SUPT6H: variants seen among roughly 807,000 people sequenced by gnomAD.
The protein encoded by SUPT6H is SPT6 homolog, histone chaperone and transcription elongation factor, also known as transcription elongation factor SPT6.
In SUPT6H, 11 loss-of-function variants were observed where a neutral mutation model predicts 222.3. That is an observed-to-expected ratio of 0.05 (90% confidence interval 0.03 to 0.08). The LOEUF is 0.08. Among genes scored for constraint, SUPT6H ranks in the 10% least tolerant of loss-of-function variants. The probability of loss-of-function intolerance (pLI) is 1.00; values close to 1 mark genes in which losing one functional copy is unlikely to be tolerated. For synonymous variants in SUPT6H, 762 were observed against 801.2 expected (o/e 0.95, Z 0.83); for missense variants, 1,422 against 2,216.0 (o/e 0.64, Z 7.19).
intron 1 of SUPT6H, among the ~76,000 whole-genome samples, chr17:28,662,975 C>T (rs566336182): frequency 6.6e-6 from 1 of 152,154 alleles, no homozygotes; most frequent in African/African-American, 2.4e-5. Flanking sequence ...CTAGTTTCTA[C>T]CTTTCTCCTC....
At position 28,700,202 on chromosome 17, in the gene SUPT6H, C is replaced by G; in HGVS notation, c.4591C>G (p.Arg1531Gly). 6.2e-7 allele frequency: 1 copy of G among 1,614,188 alleles called. No homozygotes were observed. Among genetic ancestry groups the G allele is most frequent in the Non-Finnish European group, 8.5e-7 (1 of 1,180,034 alleles). The change falls in exon 34 of 37, where the codon CGG becomes GGG. Residue 1531 changes from arginine (R) to glycine (G), a missense_variant. Physicochemically the swap from Arg to Gly is moderately radical, Grantham distance 125. Coordinates refer to ENST00000314616, the MANE Select transcript of SUPT6H (RefSeq NM_003170.5). ...CACCCCTAGCAGCAGCAGCAGGACC[C>G]GGACACCTGCCTCTATCAATGCTAC... ...GITPSSSSRT[R>G]TPASINATPA...
At position 28,677,833 on chromosome 17, in the gene SUPT6H, C is replaced by T. The variant is rs375199502; in HGVS notation, c.999+17C>T. ...TCTCTCCAGGTACACAAAAAAGATCCTTAGGTTTTGACATGAACCAAAAGA... is the reference window on the plus strand; with the variant it reads ...TCTCTCCAGGTACACAAAAAAGATCTTTAGGTTTTGACATGAACCAAAAGA... On this transcript the variant is annotated intron_variant, in intron 8 of 36. Coordinates refer to ENST00000314616, the MANE Select transcript of SUPT6H (RefSeq NM_003170.5). 81 of 1,609,782 alleles carry T rather than the reference C, an allele frequency of 5.0e-5. 1 individual carries two copies. In the African/African-American group the frequency reaches 7.5e-4, roughly 15 times the overall value.
At position 28,701,671 on chromosome 17, in the gene SUPT6H, C is replaced by T. The variant is rs1184238318; in HGVS notation, c.*46C>T. 2 of 1,547,348 alleles carry T rather than the reference C, an allele frequency of 1.3e-6. No homozygotes were observed. Among genetic ancestry groups the T allele is most frequent in the Non-Finnish European group, 1.8e-6 (2 of 1,141,806 alleles). On this transcript the variant is annotated 3_prime_UTR_variant, in exon 37 of 37. Coordinates refer to ENST00000314616, the MANE Select transcript of SUPT6H (RefSeq NM_003170.5). ...TGGTTACCTCTGAGGCTGGGAAAGG[C>T]CTGGCTGCCCACTGCCTCCCTCCCT...
intron 7 of SUPT6H, 105 bp downstream of exon 7, chr17:28,676,535 C>G (rs2030756458): frequency 1.3e-6 from 2 of 1,526,024 alleles, no homozygotes; most frequent in South Asian, 2.4e-5. Flanking sequence ...CAGGTTTGAA[C>G]CTCATCTCAC....
In SUPT6H at chr17:28,686,725, C is replaced by T; in HGVS notation, c.2636C>T (p.Ser879Phe). 1.9e-6 allele frequency: 3 copies of T among 1,612,712 alleles called. No individual in the cohort carries two copies. Among genetic ancestry groups the T allele is most frequent in the Non-Finnish European group, 2.5e-6 (3 of 1,179,574 alleles). Residue 879 changes from serine to phenylalanine, a missense_variant, in exon 21 of 37, where the codon TCT (serine) becomes TTT (phenylalanine). Transcript: ENST00000314616. ...CTGGACCAGGGCCAGCAGCTGTCAT[C>T]TATTGGGGTAGAGCTGGTTGACAAC... is the stretch of plus-strand genomic sequence containing the variant. ...HELDQGQQLS[S>F]IGVELVDNEL...
chr17:28,683,166 C>G, intron 15 of SUPT6H, 74 bp downstream of exon 15: 1 of 1,566,034 alleles, frequency 6.4e-7, no homozygotes, highest in Non-Finnish European at 8.6e-7. Context: ...TCTTGCCTTC[C>G]ACTTCACTGA....
intron 1 of SUPT6H, among the ~76,000 whole-genome samples, chr17:28,669,657 G>A (rs773569147): frequency 6.6e-6 from 1 of 152,140 alleles, no homozygotes; most frequent in Admixed American, 6.6e-5. Flanking sequence ...ATGAATAGCC[G>A]GGCGTGGTGG....
intron 1 of SUPT6H, among the ~76,000 whole-genome samples, chr17:28,663,581 G>T (rs1244592395): frequency 6.6e-6 from 1 of 152,010 alleles, no homozygotes; most frequent in Non-Finnish European, 1.5e-5. Context: ...CATCAGTCCT[G>T]CCTGTAATCC....
At chr17:28,674,670 T>C (rs1309767417) in intron 4 of SUPT6H, 57 bp downstream of exon 4, 1 of 1,551,672 alleles carries the variant, frequency 6.4e-7, no homozygotes, top group East Asian at 2.2e-5. Flanking sequence ...CCCTGGAAAT[T>C]TCAATGTCTG....
intron 27 of SUPT6H, among the ~76,000 whole-genome samples, chr17:28,692,531 A>AG (rs2031714130): frequency 6.8e-6 from 1 of 146,756 alleles, no homozygotes; most frequent in Non-Finnish European, 1.5e-5. Context: ...AAAACACAAA[A>AG]GGGAGGGGCC....
chr17:28,675,503 C>T lies in SUPT6H; in HGVS notation c.623+18C>T. The T allele has an allele frequency of 6.2e-7, 1 of 1,613,460 alleles. No individual in the cohort carries two copies. The highest frequency in any genetic ancestry group is 8.5e-7 in the Non-Finnish European group (1 of 1,179,450). On this transcript the variant is annotated intron_variant, in intron 6 of 36. Coordinates refer to ENST00000314616, the MANE Select transcript of SUPT6H (RefSeq NM_003170.5). Reference sequence around the variant, plus strand: ...ACAGACGCGTGAGTGGGGTCTGGTACAAGGTGGGGATAAAGTGATTGAGTG... The same window carrying T: ...ACAGACGCGTGAGTGGGGTCTGGTATAAGGTGGGGATAAAGTGATTGAGTG...
In SUPT6H at chr17:28,677,828, A is replaced by G; in HGVS notation, c.999+12A>G. 2 of 1,611,828 alleles carry G rather than the reference A, an allele frequency of 1.2e-6. No homozygotes were observed. Among genetic ancestry groups the G allele is most frequent in the Non-Finnish European group, 1.7e-6 (2 of 1,178,082 alleles). ...CCATTTCTCTCCAGGTACACAAAAAAGATCCTTAGGTTTTGACATGAACCA... is the reference window on the plus strand; with the variant it reads ...CCATTTCTCTCCAGGTACACAAAAAGGATCCTTAGGTTTTGACATGAACCA... On this transcript the variant is annotated intron_variant, in intron 8 of 36. Coordinates refer to ENST00000314616, the MANE Select transcript of SUPT6H (RefSeq NM_003170.5).
At chr17:28,674,920 C>T (rs370885075) in intron 4 of SUPT6H, 50 bp from the exon 5 acceptor site, 13 of 1,582,600 alleles carry the variant, frequency 8.2e-6, no homozygotes, top group South Asian at 5.8e-5. Context: ...ATTTGGTATC[C>T]GTATGCCAGA....
intron 1 of SUPT6H, among the ~76,000 whole-genome samples, chr17:28,671,451 A>G (rs538976339): frequency 2.3e-4 from 35 of 152,278 alleles, no homozygotes; most frequent in Non-Finnish European, 4.0e-4. Flanking sequence ...AGTCTAAGTG[A>G]GAGAAAGGTA....
At position 28,688,240 on chromosome 17, in the gene SUPT6H, G is replaced by T. The variant is rs776210341; in HGVS notation, c.3134+22G>T. The T allele has an allele frequency of 6.2e-7, 1 of 1,608,648 alleles. No homozygotes were observed. Among genetic ancestry groups the T allele is most frequent in the Non-Finnish European group, 8.5e-7 (1 of 1,177,442 alleles). Reference sequence around the variant, plus strand: ...ACAGGTGATGCCCTCTGCCTGGATGGGGCAGGAGGAATTCCCTTGTGGGCT... The same window carrying T: ...ACAGGTGATGCCCTCTGCCTGGATGTGGCAGGAGGAATTCCCTTGTGGGCT... On this transcript the variant is annotated intron_variant, in intron 24 of 36. Coordinates refer to ENST00000314616, the MANE Select transcript of SUPT6H (RefSeq NM_003170.5). This position sits in a 1 kb window ranked among gnomAD's most constrained non-coding sequence, Gnocchi z 4.3.
At position 28,691,083 on chromosome 17, in the gene SUPT6H, C is replaced by G. The variant is rs761085476; in HGVS notation, c.3633+20C>G. 4 of 1,609,282 alleles carry G rather than the reference C, an allele frequency of 2.5e-6. No homozygotes were observed. The highest frequency in any genetic ancestry group is 1.1e-5 in the South Asian group (1 of 90,154). ...AGCGAGGTGTGTGCTGCAGCATTAT[C>G]CTGCTCAGTGGATTTCCTTGGTTGA... On this transcript the variant is annotated intron_variant, in intron 27 of 36. Coordinates refer to ENST00000314616, the MANE Select transcript of SUPT6H (RefSeq NM_003170.5).
In SUPT6H at chr17:28,701,436, C is replaced by G; in HGVS notation, c.4995-3C>G. 6.2e-7 allele frequency: 1 copy of G among 1,612,348 alleles called. No homozygotes were observed. Among genetic ancestry groups the G allele is most frequent in the South Asian group, 1.1e-5 (1 of 91,044 alleles). On this transcript the variant is annotated splice_polypyrimidine_tract_variant and splice_region_variant and intron_variant, in intron 36 of 36. Transcript: ENST00000314616. ...CCAATCTCAACTTTTCTTCCCCTCC[C>G]AGGTCCAACAGCCATGCAGCCATCG...
In SUPT6H at chr17:28,697,720, G is replaced by T. The variant is rs1253745414; in HGVS notation, c.4310G>T (p.Gly1437Val). 1 of 1,614,094 alleles carries T rather than the reference G, an allele frequency of 6.2e-7. No homozygotes were observed. Among genetic ancestry groups the T allele is most frequent in the African/African-American group, 1.3e-5 (1 of 74,920 alleles). Reference sequence around the variant, plus strand: ...CACAAGTATTATCAGGACTGCAGCGGTGGGGACCGCAAGGTAAGCCCAGGG... The same window carrying T: ...CACAAGTATTATCAGGACTGCAGCGTTGGGGACCGCAAGGTAAGCCCAGGG... Reference protein sequence around the residue: ...LNHKYYQDCSGGDRKKLEELL... With the variant: ...LNHKYYQDCSVGDRKKLEELL... Residue 1437 changes from glycine to valine, a missense_variant, in exon 31 of 37, where the codon GGT (glycine) becomes GTT (valine). Around this residue, in one of 13 missense-constraint regions of SUPT6H, gnomAD observed 395 missense variants for 580.6 expected, o/e 0.68. Transcript: ENST00000314616.
At chr17:28,694,037 C>T (rs2031791954) in intron 28 of SUPT6H, among the ~76,000 whole-genome samples, 1 of 152,236 alleles carries the variant, frequency 6.6e-6, no homozygotes, top group Non-Finnish European at 1.5e-5. Context: ...TTGTTCACTG[C>T]CTTTGTGAAA....
Sources: gnomAD v4.1 joint callset for allele counts (sites outside exome capture counted in the v4.1 genomes callset) on GRCh38, gnomAD v4.1.1 for gene constraint, gnomAD v4.1.1 regional missense constraint, Gnocchi (gnomAD v3.1) non-coding constraint, MANE v1.5 for transcripts, NCBI Gene and HGNC (gene_info 2026-07-23, HGNC 2026-07-21) for gene names.